The following STXBP5L variants were observed in gnomAD, a reference collection of about 807,000 sequenced individuals.
STXBP5L encodes the protein syntaxin binding protein 5L.
STXBP5L carries 65 observed loss-of-function variants against 144.5 expected under a neutral mutation model. That is an observed-to-expected ratio of 0.45 (90% CI 0.37 to 0.55). The LOEUF (loss-of-function observed/expected upper bound fraction) is 0.55. STXBP5L is among the 20% of genes least tolerant of loss of function. The pLI is 0.00. For synonymous variants in STXBP5L, 505 were observed against 469.6 expected (o/e 1.08, Z -0.97); for missense variants, 1,298 against 1,405.5 (o/e 0.92, Z 1.22).
At chr3:121,281,071 T>A (rs1166829773) in intron 19 of STXBP5L, among the ~76,000 whole-genome samples, 5 of 151,742 alleles carry the variant, frequency 3.3e-5, no homozygotes, top group Non-Finnish European at 5.9e-5. Context: ...TGATGGTAGG[T>A]GTTATTTTCC....
chr3:121,360,234 G>A lies in STXBP5L; in HGVS notation c.2177-18482G>A, dbSNP rs375416313. Among the ~76,000 whole-genome samples the A allele has an allele frequency of 8.0e-5, 12 of 149,612 alleles. No homozygotes were observed. In the East Asian group the frequency reaches 2.3e-3, roughly 29 times the overall value. ...AATATAGTGACTCCTCCTTTTTTTG[G>A]TTTCAATTGGCATAGAATATCTTTT... is the stretch of plus-strand genomic sequence containing the variant. On this transcript the variant is annotated intron_variant, in intron 20 of 26. Transcript: ENST00000471454.
At chr3:121,163,420 C>T (rs1016545072) in intron 9 of STXBP5L, among the ~76,000 whole-genome samples, 6 of 151,560 alleles carry the variant, frequency 4.0e-5, no homozygotes, top group East Asian at 1.9e-4. Context: ...TAGGGTCTCT[C>T]GGTGGATGGG....
chr3:120,910,380 T>C (rs1373478978), intron 2 of STXBP5L, among the ~76,000 whole-genome samples: 6 of 152,326 alleles, frequency 3.9e-5, no homozygotes, highest in African/African-American at 1.2e-4. Flanking sequence ...ATTGAACTTC[T>C]AATGAATATG....
chr3:121,160,320 G>A (rs891993864), intron 9 of STXBP5L, among the ~76,000 whole-genome samples: 1 of 152,022 alleles, frequency 6.6e-6, no homozygotes. Flanking sequence ...CCTATAAAGA[G>A]CATAGTCCAC....
At chr3:121,286,945 G>A (rs1265104429) in intron 19 of STXBP5L, among the ~76,000 whole-genome samples, 1 of 152,182 alleles carries the variant, frequency 6.6e-6, no homozygotes, top group African/African-American at 2.4e-5. Context: ...AAACCACTGA[G>A]CTTTTTAGGC....
rs1029111306 is a variant in STXBP5L, at chr3:121,331,772, C to G, written c.2176+13232C>G. Among the ~76,000 whole-genome samples, 5 of 152,226 alleles carry G rather than the reference C, an allele frequency of 3.3e-5. No individual in the cohort carries two copies. The South Asian group carries it at 1.0e-3, about 32-fold the overall frequency. On this transcript the variant is annotated intron_variant, in intron 20 of 26. Transcript: ENST00000471454. ...AGACACCTCCCCTACTGGACTGAAG[C>G]CTGAACATTTCAACCCAGTAAATAA...
At chr3:121,112,569 G>A (rs1374028608) in intron 5 of STXBP5L, among the ~76,000 whole-genome samples, 1 of 151,872 alleles carries the variant, frequency 6.6e-6, no homozygotes, top group Non-Finnish European at 1.5e-5. Flanking sequence ...CATTCTTCTC[G>A]GTGGGAGCCT....
At chr3:121,053,800 C>T (rs938765715) in intron 5 of STXBP5L, among the ~76,000 whole-genome samples, 5 of 152,058 alleles carry the variant, frequency 3.3e-5, no homozygotes, top group African/African-American at 7.2e-5. Context: ...AGTGAACAGG[C>T]AACCTACAAA....
At chr3:121,290,834 T>C (rs1190789521) in intron 19 of STXBP5L, among the ~76,000 whole-genome samples, 4 of 152,274 alleles carry the variant, frequency 2.6e-5, no homozygotes, top group Non-Finnish European at 1.5e-5. Context: ...AAAAAGCATT[T>C]GATAAAATTC....
chr3:121,345,044 T>C (rs1401504162), intron 20 of STXBP5L, among the ~76,000 whole-genome samples: 1 of 151,918 alleles, frequency 6.6e-6, no homozygotes, highest in East Asian at 1.9e-4. Context: ...AGTTCTAGGG[T>C]ACATGTGCAC....
chr3:121,385,321 G>T (rs1303772418), intron 22 of STXBP5L, among the ~76,000 whole-genome samples: 1 of 152,118 alleles, frequency 6.6e-6, no homozygotes, highest in East Asian at 1.9e-4. Context: ...ACATTACATG[G>T]CAAGAGGAAA....
At chr3:121,411,325 C>A (rs2108748370) in intron 23 of STXBP5L, among the ~76,000 whole-genome samples, 1 of 152,112 alleles carries the variant, frequency 6.6e-6, no homozygotes, top group Middle Eastern at 3.4e-3. Context: ...TAGTTACAAA[C>A]CACTTTGATA....
intron 5 of STXBP5L, among the ~76,000 whole-genome samples, chr3:121,104,454 A>G (rs1363508139): frequency 1.3e-5 from 2 of 152,230 alleles, no homozygotes; most frequent in Non-Finnish European, 2.9e-5. Context: ...AGACTAAGCA[A>G]AAAGAACAAA....
intron 9 of STXBP5L, among the ~76,000 whole-genome samples, chr3:121,177,171 C>T (rs1310984351): frequency 6.6e-6 from 1 of 151,940 alleles, no homozygotes; most frequent in Non-Finnish European, 1.5e-5. Context: ...TAACAACGAA[C>T]AAAACAAAGA....
intron 2 of STXBP5L, among the ~76,000 whole-genome samples, chr3:120,923,848 G>A: frequency 6.6e-6 from 1 of 152,002 alleles, no homozygotes; most frequent in Non-Finnish European, 1.5e-5. Context: ...TGCCAATTAG[G>A]CCTATTTGGT....
At chr3:121,145,930 C>T (rs559971381) in intron 7 of STXBP5L, among the ~76,000 whole-genome samples, 3 of 152,078 alleles carry the variant, frequency 2.0e-5, no homozygotes, top group African/African-American at 7.2e-5. Context: ...GTTTATTGAG[C>T]TTAGGATAGA....
intron 3 of STXBP5L, among the ~76,000 whole-genome samples, chr3:120,999,209 C>T (rs1054074808): frequency 3.3e-5 from 5 of 151,988 alleles, no homozygotes. Context: ...TATGCTACCA[C>T]GTTCAGCTAA....
intron 2 of STXBP5L, among the ~76,000 whole-genome samples, chr3:120,913,043 G>T (rs1352983683): frequency 6.6e-6 from 1 of 151,822 alleles, no homozygotes; most frequent in African/African-American, 2.4e-5. Context: ...TCTGACCACT[G>T]CCACCTCAAC....
rs1373320656 is a variant in STXBP5L at position 121,403,476 on chromosome 3, TAATA to T, written c.2588-3763_2588-3760del. On this transcript the variant is annotated intron_variant, in intron 22 of 26. Transcript: ENST00000471454. ...AGCAATTTTTCCTTTGTTTCCTTTA[TAATA>T]AATGTTTTTCTTTCTACTGAATCAT... Among the ~76,000 whole-genome samples the T allele has an allele frequency of 4.6e-5, 7 of 152,270 alleles. No homozygotes were observed. In the South Asian group the frequency reaches 6.2e-4, roughly 14 times the overall value.
Sources: gnomAD v4.1 joint callset for allele counts (sites outside exome capture counted in the v4.1 genomes callset) on GRCh38, gnomAD v4.1.1 for gene constraint, MANE v1.5 for transcripts, NCBI Gene and HGNC (gene_info 2026-07-23, HGNC 2026-07-21) for gene names.